Variants in PLEKHA1 observed in about 807,000 individuals in gnomAD.
PLEKHA1 encodes the protein pleckstrin homology domain-containing family A member 1.
PLEKHA1 carries 34 observed loss-of-function variants against 52.0 expected under a neutral mutation model. The ratio of observed to expected loss-of-function variants is 0.65; its 90% confidence interval spans 0.50 to 0.87. The LOEUF is 0.87. Among genes scored for constraint, PLEKHA1 ranks in the 40% least tolerant of loss-of-function variants. The pLI is 0.00. For synonymous variants in PLEKHA1, 163 were observed against 170.7 expected (o/e 0.95, Z 0.35); for missense variants, 497 against 504.2 (o/e 0.99, Z 0.14).
At chr10:122,427,280 T>C (rs2097352952) in intron 11 of PLEKHA1, among the ~76,000 whole-genome samples, 1 of 152,220 alleles carries the variant, frequency 6.6e-6, no homozygotes, top group African/African-American at 2.4e-5. Context: ...AATAAACATT[T>C]CCTTGCTTTG....
chr10:122,375,757 G>A (rs1411811242), intron 1 of PLEKHA1, among the ~76,000 whole-genome samples: 1 of 152,130 alleles, frequency 6.6e-6, no homozygotes, highest in African/African-American at 2.4e-5. Context: ...ACAAGAAGAG[G>A]TTCAAGGAAC....
At chr10:122,406,523 A>G (rs560832598) in intron 4 of PLEKHA1, 53 bp from the exon 5 acceptor site, 1 of 1,433,286 alleles carries the variant, frequency 7.0e-7, no homozygotes, top group East Asian at 2.3e-5. Flanking sequence ...TGCAAACATA[A>G]ATTTAGAGGT....
rs1554936741 is a variant in PLEKHA1 at position 122,424,180 on chromosome 10, T to TC, written c.682-19_682-18insC. On this transcript the variant is annotated intron_variant, in intron 8 of 11. Coordinates refer to ENST00000368990, the MANE Select transcript of PLEKHA1 (RefSeq NM_001001974.4). Reference sequence around the variant, plus strand: ...TAAACATCATGTAACTGTTTTTTTTTTTTTTTTTTTTTTGCCAGGAAAAGG... The same window carrying TC: ...TAAACATCATGTAACTGTTTTTTTTTCTTTTTTTTTTTTTGCCAGGAAAAGG... 13 of 1,454,728 alleles carry TC rather than the reference T, an allele frequency of 8.9e-6. No homozygotes were observed. In the South Asian group the frequency reaches 1.5e-4, roughly 16 times the overall value. 90.1% of individuals were successfully genotyped at this position (1,454,728 alleles called of 1,614,324 possible). A position where few individuals can be genotyped will look rare whatever the true frequency, so the allele number is the denominator to read the frequency against.
chr10:122,408,880 C>T (rs1232361454), intron 5 of PLEKHA1, among the ~76,000 whole-genome samples: 1 of 152,048 alleles, frequency 6.6e-6, no homozygotes, highest in Non-Finnish European at 1.5e-5. Context: ...ATACATAAAT[C>T]TTTCTATGGG....
intron 11 of PLEKHA1, chr10:122,428,249 T>C: frequency 1.3e-6 from 2 of 1,516,286 alleles, no homozygotes; most frequent in Non-Finnish European, 1.8e-6. Flanking sequence ...AGGTTAACTC[T>C]AATCTTAGCT....
At chr10:122,384,695 G>C (rs2096664063) in intron 1 of PLEKHA1, among the ~76,000 whole-genome samples, 1 of 151,862 alleles carries the variant, frequency 6.6e-6, no homozygotes, top group Non-Finnish European at 1.5e-5. Flanking sequence ...GCTCACACCT[G>C]TAATCCCAGC....
At chr10:122,385,732 A>G (rs1327255365) in intron 1 of PLEKHA1, among the ~76,000 whole-genome samples, 1 of 152,162 alleles carries the variant, frequency 6.6e-6, no homozygotes, top group African/African-American at 2.4e-5. Flanking sequence ...GATTTGTTCT[A>G]TGTCCCATAT....
intron 10 of PLEKHA1, among the ~76,000 whole-genome samples, chr10:122,426,076 G>A (rs1590937610): frequency 6.6e-6 from 1 of 152,144 alleles, no homozygotes; most frequent in East Asian, 1.9e-4. Flanking sequence ...TATTGTGTCT[G>A]TGTTACTCTG....
intron 3 of PLEKHA1, 106 bp from the exon 4 acceptor site, chr10:122,400,237 T>C (rs1225747336): frequency 3.7e-6 from 3 of 820,834 alleles, no homozygotes; most frequent in Non-Finnish European, 3.7e-6. Context: ...TTACTAAATG[T>C]GTATGATTAT....
intron 11 of PLEKHA1, chr10:122,428,172 G>C: frequency 9.3e-7 from 1 of 1,077,840 alleles, no homozygotes; most frequent in Non-Finnish European, 1.2e-6. Flanking sequence ...TTTGTGGTGG[G>C]GGCAGATTGG....
At chr10:122,424,793 TA>T in intron 9 of PLEKHA1, 102 bp from the exon 10 acceptor site, 1 of 779,170 alleles carries the variant, frequency 1.3e-6, no homozygotes, top group Non-Finnish European at 2.0e-6. Context: ...ATCAGTGCTT[TA>T]CCTCATTTAT....
At chr10:122,414,385 GTAGTA>G in intron 6 of PLEKHA1, among the ~76,000 whole-genome samples, 1 of 152,006 alleles carries the variant, frequency 6.6e-6, no homozygotes, top group East Asian at 1.9e-4. Flanking sequence ...CATTTATTTT[GTAGTA>G]TAGTTTTAAA....
At chr10:122,383,423 G>A (rs942021465) in intron 1 of PLEKHA1, among the ~76,000 whole-genome samples, 48 of 149,070 alleles carry the variant, frequency 3.2e-4, no homozygotes, top group Admixed American at 2.9e-3. Flanking sequence ...GGGCTGAAGC[G>A]ATTATCCCAC....
intron 4 of PLEKHA1, among the ~76,000 whole-genome samples, chr10:122,403,267 A>C (rs1360412765): frequency 6.6e-6 from 1 of 152,208 alleles, no homozygotes; most frequent in African/African-American, 2.4e-5. Flanking sequence ...CCAACATCTG[A>C]TAGAGACTGA....
intron 5 of PLEKHA1, among the ~76,000 whole-genome samples, chr10:122,411,220 G>A (rs1168275922): frequency 6.6e-6 from 1 of 152,098 alleles, no homozygotes; most frequent in Non-Finnish European, 1.5e-5. Flanking sequence ...GTATGAATAC[G>A]AACCAGAGGC....
intron 10 of PLEKHA1, chr10:122,425,236 G>A (rs987099680): frequency 1.9e-5 from 5 of 264,560 alleles, no homozygotes; most frequent in Non-Finnish European, 2.8e-5. Flanking sequence ...TTTCAAGTTG[G>A]ATTATTTTTG....
chr10:122,375,714 A>G (rs992564415), intron 1 of PLEKHA1, among the ~76,000 whole-genome samples: 1 of 152,198 alleles, frequency 6.6e-6, no homozygotes, highest in Non-Finnish European at 1.5e-5. Context: ...TGGGCGTATA[A>G]ATAATGAAAC....
chr10:122,397,463 A>G (rs1278177677), intron 2 of PLEKHA1, among the ~76,000 whole-genome samples: 2 of 152,142 alleles, frequency 1.3e-5, no homozygotes, highest in Non-Finnish European at 2.9e-5. Context: ...ACAGTAAACC[A>G]TTTAAATGGG....
chr10:122,429,526 GTGTGTTTTA>G (rs2097394817), intron 11 of PLEKHA1, 89 bp from the exon 12 acceptor site: 30 of 786,344 alleles, frequency 3.8e-5, no homozygotes, highest in Non-Finnish European at 5.3e-5. Flanking sequence ...GTGTGTGTGT[GTGTGTTTTA>G]TTTGTTTTTC....
Sources: allele counts gnomAD v4.1 joint callset (sites outside exome capture counted in the v4.1 genomes callset), GRCh38; gene constraint gnomAD v4.1.1; transcripts MANE v1.5; gene names NCBI Gene and HGNC (gene_info 2026-07-23, HGNC 2026-07-21).